ACAD9: variants seen among roughly 807,000 people sequenced by gnomAD.
ACAD9 encodes the protein acyl-CoA dehydrogenase family member 9, also known as complex I assembly factor ACAD9, mitochondrial.
Under a neutral mutation model 70.2 loss-of-function variants are expected in ACAD9, and 53 were observed. The observed-to-expected ratio is 0.75, with a 90% CI of 0.61 to 0.95. The LOEUF (loss-of-function observed/expected upper bound fraction) is 0.95, where lower values mean the gene tolerates loss of function less well. Ranked by LOEUF, ACAD9 falls within the 40% of genes least tolerant of loss-of-function variation. The probability of loss-of-function intolerance (pLI) is 0.00; values close to 1 mark genes in which losing one functional copy is unlikely to be tolerated. For synonymous variants in ACAD9, 313 were observed against 312.1 expected (o/e 1.00, Z -0.03); for missense variants, 777 against 802.8 (o/e 0.97, Z 0.39).
intron 1 of ACAD9, chr3:128,880,231 G>A (rs1935048030): frequency 5.4e-6 from 2 of 372,326 alleles, no homozygotes; most frequent in Non-Finnish European, 1.0e-5. Context: ...GCGCCCTGGG[G>A]CTTCCTTCCC....
chr3:128,906,393 C>T (rs1935894050), intron 12 of ACAD9, 144 bp downstream of exon 12: 5 of 1,278,836 alleles, frequency 3.9e-6, no homozygotes, highest in Non-Finnish European at 5.4e-6. Context: ...TGGCACGTCT[C>T]CTTCCCGACT....
intron 2 of ACAD9, among the ~76,000 whole-genome samples, chr3:128,887,130 G>A (rs1249194803): frequency 6.6e-6 from 1 of 151,968 alleles, no homozygotes; most frequent in Non-Finnish European, 1.5e-5. Context: ...TCACCATGTT[G>A]GCCAGGCTGG....
At chr3:128,894,382 T>A (rs1047347432) in intron 3 of ACAD9, among the ~76,000 whole-genome samples, 27 of 152,230 alleles carry the variant, frequency 1.8e-4, no homozygotes, top group African/African-American at 6.3e-4. Flanking sequence ...ACAGCTGTGA[T>A]GGAAGATTCT....
In ACAD9 at chr3:128,893,777, G is replaced by A. The variant is rs1935489581; in HGVS notation, c.346+121G>A. On this transcript the variant is annotated intron_variant, in intron 3 of 17. Transcript: ENST00000308982. Reference sequence around the variant, plus strand: ...ATCCGTGGTGGGCTACTTGGTAGGGGTGGACTGACTGAAGGACCTGTAGGG... The same window carrying A: ...ATCCGTGGTGGGCTACTTGGTAGGGATGGACTGACTGAAGGACCTGTAGGG... The A allele has an allele frequency of 1.4e-5, 12 of 829,292 alleles. No homozygotes were observed. In the South Asian group the frequency reaches 1.6e-4, roughly 11 times the overall value. 51.4% of individuals were successfully genotyped at this position (829,292 alleles called of 1,614,324 possible).
At chr3:128,885,161 A>C (rs1935209493) in intron 2 of ACAD9, among the ~76,000 whole-genome samples, 1 of 152,202 alleles carries the variant, frequency 6.6e-6, no homozygotes, top group Non-Finnish European at 1.5e-5. Context: ...AATTGTAAAC[A>C]AAGAGTGATT....
chr3:128,881,634 G>C (rs1355226401), intron 1 of ACAD9, among the ~76,000 whole-genome samples: 2 of 152,146 alleles, frequency 1.3e-5, no homozygotes, highest in African/African-American at 2.4e-5. Flanking sequence ...TGACCTCTCT[G>C]TTATCAAATT....
In ACAD9 at chr3:128,904,432, T is replaced by A; in HGVS notation, c.1076T>A (p.Met359Lys). The change falls in exon 11 of 18, where the codon ATG (methionine) becomes AAG (lysine). Residue 359 changes from methionine to lysine, a missense_variant. Coordinates refer to ENST00000308982, the MANE Select transcript of ACAD9 (RefSeq NM_014049.5). ...CAGAAGGCTTACGTCATGGAGAGTA[T>A]GACCTACCTCACAGCAGGGATGCTG... ...MAQKAYVMES[M>K]TYLTAGMLDQ... The A allele has an allele frequency of 6.2e-7, 1 of 1,614,222 alleles. No homozygotes were observed. Among genetic ancestry groups the A allele is most frequent in the Non-Finnish European group, 8.5e-7 (1 of 1,180,050 alleles).
rs1386194384 is a variant in ACAD9 at position 128,902,123 on chromosome 3, GGTT to G, written c.883-426_883-424del. On this transcript the variant is annotated intron_variant, in intron 8 of 17. Transcript: ENST00000308982. This position sits in a 1 kb window ranked among gnomAD's most constrained non-coding sequence, Gnocchi z 4.0. ...CCATTCACCAGCTGATGGACATTGG[GGTT>G]GTTACCGCTTTTGGCTGCTATCAGT... 6.6e-6 allele frequency among the ~76,000 whole-genome samples: 1 copy of G among 152,206 alleles called. No individual in the cohort carries two copies. Among genetic ancestry groups the G allele is most frequent in the African/African-American group, 2.4e-5 (1 of 41,458 alleles).
intron 6 of ACAD9, among the ~76,000 whole-genome samples, chr3:128,897,991 G>A (rs1935616088): frequency 6.6e-6 from 1 of 152,118 alleles, no homozygotes; most frequent in Non-Finnish European, 1.5e-5. Context: ...TGGGTAGCTG[G>A]GATTAGAGGT....
intron 1 of ACAD9, among the ~76,000 whole-genome samples, chr3:128,883,224 G>T (rs1022766480): frequency 3.9e-5 from 6 of 152,030 alleles, no homozygotes; most frequent in Non-Finnish European, 7.4e-5. Context: ...TGAGTAGCTG[G>T]AACTACAGGC....
chr3:128,894,351 T>G (rs1345993601), intron 3 of ACAD9, among the ~76,000 whole-genome samples: 2 of 152,162 alleles, frequency 1.3e-5, no homozygotes, highest in East Asian at 3.9e-4. Flanking sequence ...CACACTATAG[T>G]TGTTGCATTT....
At position 128,899,450 on chromosome 3, in the gene ACAD9, G is replaced by A. The variant is rs387907042; in HGVS notation, c.797G>A (p.Arg266Gln). The A allele has an allele frequency of 1.3e-5, 21 of 1,613,990 alleles. No homozygotes were observed. The highest frequency in any genetic ancestry group is 3.3e-5 in the South Asian group (3 of 91,088). ...NGKPEDKLGI[R>Q]GSNTCEVHFE... ...AAACCCGAAGATAAATTAGGCATTC[G>A]GGGCTCCAACAGTAAGTAGCTCCTG... The change falls in exon 7 of 18, where the codon CGG (arginine) becomes CAG (glutamine). Residue 266 changes from arginine to glutamine, a missense_variant. By Grantham distance (43) the Arg-to-Gln change is conservative. Transcript: ENST00000308982.
intron 5 of ACAD9, 58 bp downstream of exon 5, chr3:128,896,594 T>C (rs952093204): frequency 1.3e-6 from 2 of 1,561,608 alleles, no homozygotes; most frequent in African/African-American, 2.7e-5. Flanking sequence ...CAAGATTCAC[T>C]GGGGCAAGGG....
At position 128,879,706 on chromosome 3, in the gene ACAD9, G is replaced by C. The variant is rs139710753; in HGVS notation, c.15G>C (p.Gly5=). The change falls in exon 1 of 18, where the codon GGG becomes GGC. Residue 5 remains glycine (G), a synonymous_variant. Coordinates refer to ENST00000308982, the MANE Select transcript of ACAD9 (RefSeq NM_014049.5). ...CATCGGGCAGCATGAGCGGCTGCGG[G>C]CTCTTCCTGCGCACCACGGCTGCGG... MSGC[G]LFLRTTAAAR... The C allele has an allele frequency of 1.2e-6, 2 of 1,612,690 alleles. No homozygotes were observed. The highest frequency in any genetic ancestry group is 1.7e-6 in the Non-Finnish European group (2 of 1,179,904).
chr3:128,908,117 G>C (rs1935951538), intron 12 of ACAD9, 68 bp from the exon 13 acceptor site: 2 of 1,465,372 alleles, frequency 1.4e-6, no homozygotes, highest in South Asian at 2.3e-5. Context: ...GCTCTACCCA[G>C]CACACGTGGC....
rs1395869329 is a variant in ACAD9 at position 128,899,520 on chromosome 3, GAC to G, written c.808+60_808+61del. On this transcript the variant is annotated intron_variant, in intron 7 of 17. Transcript: ENST00000308982. The stretch of plus-strand genomic sequence containing the variant: ...GTGTGTAAGGGGGAGACTGGCCTTT[GAC>G]GGTGTGTGTGTGTGTGTGTGTGTGT... 9.1e-6 allele frequency: 14 copies of G among 1,546,370 alleles called. No individual in the cohort carries two copies. In the African/African-American group the frequency reaches 1.4e-4, roughly 16 times the overall value.
rs77770179 is a variant in ACAD9, at chr3:128,906,035, C to T, written c.1150-86C>T. 2.6e-4 allele frequency: 420 copies of T among 1,591,410 alleles called. 1 individual carries two copies. In the East Asian group the frequency reaches 7.6e-3, roughly 29 times the overall value. On this transcript the variant is annotated intron_variant, in intron 11 of 17. Transcript: ENST00000308982. The stretch of plus-strand genomic sequence containing the variant: ...CCCTGGCCGATCTCCTCCCCAAGCC[C>T]GTGTGCCTCCCATGCCTCCCCAGCC...
At chr3:128,894,927 A>G (rs1425977722) in intron 3 of ACAD9, among the ~76,000 whole-genome samples, 2 of 139,178 alleles carry the variant, frequency 1.4e-5, no homozygotes, top group African/African-American at 2.8e-5. Flanking sequence ...CCCAAGCTAG[A>G]GTGCAGTGGT....
intron 11 of ACAD9, 136 bp downstream of exon 11, chr3:128,904,641 T>C: frequency 7.0e-7 from 1 of 1,419,200 alleles, no homozygotes; most frequent in Non-Finnish European, 9.5e-7. Context: ...GCACTTGCCC[T>C]GTGTAGCACT....
Sources: allele counts gnomAD v4.1 joint callset (sites outside exome capture counted in the v4.1 genomes callset), GRCh38; gene constraint gnomAD v4.1.1; non-coding constraint Gnocchi (gnomAD v3.1); transcripts MANE v1.5; gene names NCBI Gene and HGNC (gene_info 2026-07-23, HGNC 2026-07-21).